The following LARP7 variants were observed in gnomAD, a reference collection of about 807,000 sequenced individuals.
LARP7 encodes the protein La ribonucleoprotein 7, transcriptional regulator.
In LARP7, 52 loss-of-function variants were observed where a neutral mutation model predicts 69.3. The observed-to-expected ratio is 0.75, with a 90% CI of 0.60 to 0.95. The LOEUF is 0.95. Ranked by LOEUF, LARP7 falls within the 40% of genes least tolerant of loss-of-function variation. The pLI, the probability that LARP7 is intolerant of heterozygous loss-of-function variation, is 0.00. For synonymous variants in LARP7, 254 were observed against 215.9 expected (o/e 1.18, Z -1.55); for missense variants, 733 against 673.0 (o/e 1.09, Z -0.99).
Position 112,647,267 on chromosome 4 carries a change from G to T in LARP7, c.715G>T (p.Glu239Ter). Reference protein sequence around the residue: ...KKEDNIQAKEENMDTSNTSIS... With the variant: ...KKEDNIQAKE ...GGAAGACAATATCCAAGCCAAAGAA[G>T]AAAACATGGACACAAGCAACACCAG... The change falls in exon 7 of 13, where the codon GAA (glutamate) becomes TAA (stop). Residue 239 changes from glutamate (E) to a stop codon, truncating the protein, a stop_gained. Coordinates refer to ENST00000344442, the MANE Select transcript of LARP7 (RefSeq NM_016648.4). LOFTEE classifies it high-confidence loss of function. The T allele has an allele frequency of 1.2e-6, 2 of 1,612,528 alleles. No individual in the cohort carries two copies. Among genetic ancestry groups the T allele is most frequent in the Non-Finnish European group, 1.7e-6 (2 of 1,179,720 alleles).
chr4:112,642,502 T>C (rs2048001444), intron 1 of LARP7, among the ~76,000 whole-genome samples: 1 of 152,220 alleles, frequency 6.6e-6, no homozygotes, highest in Non-Finnish European at 1.5e-5. Context: ...TCTTACTGGA[T>C]ATCACTTTGA....
intron 10 of LARP7, among the ~76,000 whole-genome samples, chr4:112,652,021 A>C (rs1400279185): frequency 2.6e-5 from 4 of 151,628 alleles, no homozygotes; most frequent in Non-Finnish European, 5.9e-5. Flanking sequence ...AATTTGGCAA[A>C]CAGTTACTAA....
At chr4:112,641,767 G>T (rs545590240) in intron 1 of LARP7, among the ~76,000 whole-genome samples, 14 of 152,302 alleles carry the variant, frequency 9.2e-5, no homozygotes, top group African/African-American at 3.4e-4. Flanking sequence ...GGGATTGTTA[G>T]CACTAGAGAG....
In LARP7 at chr4:112,647,436, G is replaced by A. The variant is rs772265784; in HGVS notation, c.884G>A (p.Arg295Lys). 1 of 1,614,074 alleles carries A rather than the reference G, an allele frequency of 6.2e-7. No homozygotes were observed. The highest frequency in any genetic ancestry group is 1.1e-5 in the South Asian group (1 of 91,082). The change falls in exon 7 of 13, where the codon AGG becomes AAG. Residue 295 changes from arginine to lysine, a missense_variant. Coordinates refer to ENST00000344442, the MANE Select transcript of LARP7 (RefSeq NM_016648.4). Reference sequence around the variant, plus strand: ...TTACCTGAAGTCAGAACAGGGAAGAGGAAGAGAAGCAGCTCTGAAGATGCA... The same window carrying A: ...TTACCTGAAGTCAGAACAGGGAAGAAGAAGAGAAGCAGCTCTGAAGATGCA... ...SSLPEVRTGKRKRSSSEDAES... is the reference protein window; with the variant it reads ...SSLPEVRTGKKKRSSSEDAES...
In LARP7 at chr4:112,647,523, C is replaced by A; in HGVS notation, c.971C>A (p.Ala324Glu). 6.2e-7 allele frequency: 1 copy of A among 1,607,176 alleles called. No homozygotes were observed. The highest frequency in any genetic ancestry group is 8.5e-7 in the Non-Finnish European group (1 of 1,177,566). Residue 324 changes from alanine to glutamate, a missense_variant, in exon 7 of 13, where the codon GCA (alanine) becomes GAA (glutamate). Transcript: ENST00000344442. Reference sequence around the variant, plus strand: ...ATTCAGAAAGACATCATTAAGGAAGCATCAGAAGCTTCCAAGGAAAATAGA... The same window carrying A: ...ATTCAGAAAGACATCATTAAGGAAGAATCAGAAGCTTCCAAGGAAAATAGA... ...KIIQKDIIKE[A>E]SEASKENRDI...
chr4:112,637,798 A>G (rs1261052731), intron 1 of LARP7: 1 of 152,284 alleles, frequency 6.6e-6, no homozygotes, highest in East Asian at 1.9e-4. Flanking sequence ...GTAAGATGCC[A>G]TTTAACCTGG....
chr4:112,649,725 C>A (rs773074431), intron 9 of LARP7, 39 bp downstream of exon 9: 32 of 1,356,290 alleles, frequency 2.4e-5, no homozygotes, highest in Non-Finnish European at 3.1e-5. Flanking sequence ...TTATAATGTA[C>A]TTATATATGT....
intron 1 of LARP7, among the ~76,000 whole-genome samples, chr4:112,641,602 A>G (rs1169966917): frequency 6.6e-6 from 1 of 152,238 alleles, no homozygotes; most frequent in Non-Finnish European, 1.5e-5. Flanking sequence ...AGAATTATTC[A>G]TATTTGGGAT....
chr4:112,649,806 A>G (rs2048627104), intron 9 of LARP7, 120 bp downstream of exon 9: 2 of 616,180 alleles, frequency 3.2e-6, no homozygotes, highest in Non-Finnish European at 5.2e-6. Context: ...TTTCATTATT[A>G]GAACAATTCT....
At chr4:112,645,685 T>C in intron 2 of LARP7, 1 of 445,384 alleles carries the variant, frequency 2.2e-6, no homozygotes, top group Non-Finnish European at 4.5e-6. Flanking sequence ...AGGCCGGCTT[T>C]TTTTTCTGGC....
At chr4:112,652,787 T>A (rs1013228607) in intron 10 of LARP7, among the ~76,000 whole-genome samples, 3 of 152,070 alleles carry the variant, frequency 2.0e-5, no homozygotes, top group African/African-American at 7.2e-5. Context: ...CTATTTCTGC[T>A]TTCTGCTCTA....
At chr4:112,637,813 T>G (rs2047747000) in intron 1 of LARP7, 2 of 152,224 alleles carry the variant, frequency 1.3e-5, no homozygotes, top group Admixed American at 1.3e-4. Context: ...ACCTGGGCCT[T>G]GAAAATTTAA....
chr4:112,648,383 CACTT>C (rs199971565), intron 8 of LARP7: 15,405 of 534,638 alleles, frequency 0.029, 361 homozygotes, highest in South Asian at 0.062. Flanking sequence ...AACATGGAAG[CACTT>C]ACTTTTGTTT....
chr4:112,643,307 G>A (rs1206933710), intron 1 of LARP7, among the ~76,000 whole-genome samples: 1 of 152,204 alleles, frequency 6.6e-6, no homozygotes, highest in Non-Finnish European at 1.5e-5. Flanking sequence ...ACCGCACTGA[G>A]GTGACATTTA....
In LARP7 at chr4:112,644,655, T is replaced by A; in HGVS notation, c.-2-13T>A. 1 of 1,563,868 alleles carries A rather than the reference T, an allele frequency of 6.4e-7. No homozygotes were observed. The highest frequency in any genetic ancestry group is 1.4e-5 in the African/African-American group (1 of 73,148). On this transcript the variant is annotated splice_polypyrimidine_tract_variant and intron_variant, in intron 1 of 12. Coordinates refer to ENST00000344442, the MANE Select transcript of LARP7 (RefSeq NM_016648.4). ...TGATTTAAATATTTACATCTTTTTC[T>A]TGTAATTCACAGGAATGGAAACTGA...
At position 112,650,471 on chromosome 4, in the gene LARP7, G is replaced by A; in HGVS notation, c.1305G>A (p.Arg435=). 1 of 1,613,668 alleles carries A rather than the reference G, an allele frequency of 6.2e-7. No homozygotes were observed. Among genetic ancestry groups the A allele is most frequent in the Middle Eastern group, 1.7e-4 (1 of 6,060 alleles). Residue 435 remains arginine, a synonymous_variant, in exon 10 of 13, where the codon AGG becomes AGA. Transcript: ENST00000344442. ...TCCTTTTCTAATCAGCAGCCAACAG[G>A]GAAGAGTGTCGCACCCAGGAGAAAG... ...TGMKNEKTAN[R]EECRTQEKVN...
intron 12 of LARP7, chr4:112,654,769 C>G (rs1212664806): frequency 1.3e-5 from 2 of 152,174 alleles, no homozygotes; most frequent in Non-Finnish European, 2.9e-5. Context: ...GACCCTGTCT[C>G]TTAAAGTTTT....
chr4:112,649,013 C>G (rs1161287348), intron 8 of LARP7, among the ~76,000 whole-genome samples: 1 of 151,522 alleles, frequency 6.6e-6, no homozygotes, highest in African/African-American at 2.4e-5. Flanking sequence ...CCCACTGAGC[C>G]GAGAAAGGCA....
Position 112,648,065 on chromosome 4 carries a change from G to A in LARP7, c.1142+231G>A, listed in dbSNP as rs1202099654. The A allele has an allele frequency of 7.9e-6, 5 of 633,010 alleles. No individual in the cohort carries two copies. In the Admixed American group the frequency reaches 9.2e-5, roughly 12 times the overall value. The allele number at this position is 633,010 out of a possible 1,614,324, so 39.2% of individuals were successfully genotyped here. A position where few individuals can be genotyped will look rare whatever the true frequency, so the allele number is the denominator to read the frequency against. ...TCACAGCAAGTGCCTCCATGTTAAA[G>A]TAGAGGGGGCCCCTTAACAGATGTA... On this transcript the variant is annotated intron_variant, in intron 8 of 12. Transcript: ENST00000344442.
Sources: gnomAD v4.1 joint callset for allele counts (sites outside exome capture counted in the v4.1 genomes callset) on GRCh38, gnomAD v4.1.1 for gene constraint, MANE v1.5 for transcripts, NCBI Gene and HGNC (gene_info 2026-07-23, HGNC 2026-07-21) for gene names.